The following TLL1 variants were observed in gnomAD, a reference collection of about 807,000 sequenced individuals.
TLL1 encodes tolloid like 1, also known as tolloid-like protein 1.
TLL1 carries 49 observed loss-of-function variants against 128.2 expected under a neutral mutation model. The ratio of observed to expected loss-of-function variants is 0.38; its 90% CI spans 0.30 to 0.48. The LOEUF is 0.48. Among genes scored for constraint, TLL1 ranks in the 20% least tolerant of loss-of-function variants. The pLI, the probability that TLL1 is intolerant of heterozygous loss-of-function variation, is 0.96. For missense variants in TLL1, 1,123 were observed against 1,242.0 expected, an observed-to-expected ratio of 0.90 and a Z score of 1.44; for synonymous variants, 454 against 418.8, an observed-to-expected ratio of 1.08 and a Z score of -1.03.
intron 1 of TLL1, among the ~76,000 whole-genome samples, chr4:165,898,275 G>C (rs1369266369): frequency 6.6e-6 from 1 of 152,192 alleles, no homozygotes; most frequent in Non-Finnish European, 1.5e-5. Flanking sequence ...TGTTGAATAG[G>C]AGTGGTGAGA....
chr4:165,951,417 C>T (rs1474433351), intron 1 of TLL1, among the ~76,000 whole-genome samples: 2 of 152,006 alleles, frequency 1.3e-5, no homozygotes, highest in East Asian at 1.9e-4. Context: ...GGAATGGAAC[C>T]CCTAACAAAA....
intron 8 of TLL1, among the ~76,000 whole-genome samples, chr4:166,017,873 G>T (rs1738026118): frequency 6.6e-6 from 1 of 152,066 alleles, no homozygotes; most frequent in Non-Finnish European, 1.5e-5. Context: ...ATCAGGATAA[G>T]GACAATGATA....
At chr4:166,073,365 A>T (rs1476339094) in intron 16 of TLL1, among the ~76,000 whole-genome samples, 1 of 152,162 alleles carries the variant, frequency 6.6e-6, no homozygotes, top group Admixed American at 6.5e-5. Flanking sequence ...ATGGAATAGG[A>T]GTTCAAAATT....
chr4:165,893,405 G>A (rs1029012189), intron 1 of TLL1, among the ~76,000 whole-genome samples: 1 of 152,200 alleles, frequency 6.6e-6, no homozygotes, highest in Non-Finnish European at 1.5e-5. Context: ...CTATACAACA[G>A]CGTTGAGGAA....
chr4:165,902,430 C>T (rs1732040089), intron 1 of TLL1, among the ~76,000 whole-genome samples: 1 of 152,216 alleles, frequency 6.6e-6, no homozygotes, highest in African/African-American at 2.4e-5. Context: ...AGGGAATCTT[C>T]TGATCTGCAG....
Position 166,024,510 on chromosome 4 carries a change from C to T in TLL1, c.1043-806C>T, listed in dbSNP as rs1169175598. 2.0e-5 allele frequency among the ~76,000 whole-genome samples: 3 copies of T among 152,128 alleles called. No individual in the cohort carries two copies. The East Asian group carries it at 5.8e-4, about 29-fold the overall frequency. On this transcript the variant is annotated intron_variant, in intron 8 of 20. Coordinates refer to ENST00000061240, the MANE Select transcript of TLL1 (RefSeq NM_012464.5). ...TTAAGTTAAAGATACTTCAAACAGC[C>T]TAGGTTCATGGCACATTGCATCTCT...
At position 165,959,211 on chromosome 4, in the gene TLL1, A is replaced by G. The variant is rs112979509; in HGVS notation, c.170-30170A>G. On this transcript the variant is annotated intron_variant, in intron 1 of 20. Coordinates refer to ENST00000061240, the MANE Select transcript of TLL1 (RefSeq NM_012464.5). ...GCGATGCGGGCTTTTTTTTGGTTCC[A>G]TATGAACTTTAAAGTAGTTTTTTCC... 7.2e-5 allele frequency among the ~76,000 whole-genome samples: 11 copies of G among 152,078 alleles called. No homozygotes were observed. The South Asian group carries it at 1.9e-3, about 26-fold the overall frequency.
chr4:165,881,393 T>C (rs1453466091), intron 1 of TLL1, among the ~76,000 whole-genome samples: 1 of 152,190 alleles, frequency 6.6e-6, no homozygotes, highest in Non-Finnish European at 1.5e-5. Flanking sequence ...AACAGGCAAG[T>C]GGTGAGGGCT....
At chr4:166,016,831 A>G (rs563686699) in intron 8 of TLL1, among the ~76,000 whole-genome samples, 2 of 152,130 alleles carry the variant, frequency 1.3e-5, no homozygotes, top group African/African-American at 4.8e-5. Context: ...ATATAAATAT[A>G]CATATATATA....
intron 19 of TLL1, among the ~76,000 whole-genome samples, chr4:166,093,020 C>T (rs1741845527): frequency 6.6e-6 from 1 of 152,204 alleles, no homozygotes; most frequent in South Asian, 2.1e-4. Context: ...TTATGATTAA[C>T]ATTCCATTGA....
At chr4:165,876,461 A>T (rs1050000734) in intron 1 of TLL1, among the ~76,000 whole-genome samples, 2 of 152,186 alleles carry the variant, frequency 1.3e-5, no homozygotes, top group African/African-American at 4.8e-5. Flanking sequence ...TTTCCAAATA[A>T]CAGATTGGAG....
chr4:165,890,923 A>T (rs996039575), intron 1 of TLL1, among the ~76,000 whole-genome samples: 5 of 152,156 alleles, frequency 3.3e-5, no homozygotes, highest in Non-Finnish European at 7.4e-5. Context: ...CCCCTGCAGC[A>T]CACCTCTGCC....
intron 1 of TLL1, among the ~76,000 whole-genome samples, chr4:165,923,421 C>T (rs981793039): frequency 9.9e-5 from 7 of 70,830 alleles, no homozygotes; most frequent in African/African-American, 1.6e-4. Flanking sequence ...ATAGGTATAC[C>T]TTTTTTTTTT....
chr4:166,057,457 G>A (rs1740077016), intron 14 of TLL1, 148 bp downstream of exon 14: 2 of 1,241,094 alleles, frequency 1.6e-6, no homozygotes, highest in South Asian at 2.7e-5. Flanking sequence ...AGTCACAGCT[G>A]ATGTGAAACC....
At chr4:166,093,419 A>G (rs1011820613) in intron 19 of TLL1, among the ~76,000 whole-genome samples, 30 of 152,148 alleles carry the variant, frequency 2.0e-4, no homozygotes, top group African/African-American at 5.5e-4. Flanking sequence ...TCTCCGCCCA[A>G]ACATCTCAGT....
chr4:166,012,072 A>G (rs1259367227), intron 7 of TLL1, among the ~76,000 whole-genome samples: 3 of 151,584 alleles, frequency 2.0e-5, no homozygotes, highest in Non-Finnish European at 4.4e-5. Flanking sequence ...ATGAGTGACT[A>G]TTTTGTAATA....
chr4:166,052,270 T>C (rs2111106904), intron 12 of TLL1, among the ~76,000 whole-genome samples: 1 of 152,300 alleles, frequency 6.6e-6, no homozygotes, highest in Admixed American at 6.5e-5. Flanking sequence ...TGATTTCTAA[T>C]ATGAAGCAAT....
chr4:166,051,301 T>C (rs1354177165), intron 12 of TLL1, among the ~76,000 whole-genome samples: 2 of 92,532 alleles, frequency 2.2e-5, no homozygotes, highest in Admixed American at 1.9e-4. Flanking sequence ...CTCCCTCCTT[T>C]CCTTCCTTCC....
intron 8 of TLL1, among the ~76,000 whole-genome samples, chr4:166,021,678 G>T (rs904891160): frequency 6.6e-6 from 1 of 152,012 alleles, no homozygotes; most frequent in Non-Finnish European, 1.5e-5. Flanking sequence ...TGATCCACCC[G>T]CCTCGGCCTC....
Sources: allele counts gnomAD v4.1 joint callset (sites outside exome capture counted in the v4.1 genomes callset), GRCh38; gene constraint gnomAD v4.1.1; transcripts MANE v1.5; gene names NCBI Gene and HGNC (gene_info 2026-07-23, HGNC 2026-07-21).